The following TMEM63B variants were observed in gnomAD, a reference collection of about 807,000 sequenced individuals.
TMEM63B encodes the protein transmembrane protein 63B.
A neutral mutation model predicts 102.6 loss-of-function variants in TMEM63B; 23 were observed. That is an observed-to-expected ratio of 0.22 (90% confidence interval 0.16 to 0.32). The LOEUF is 0.32. Among genes scored for constraint, TMEM63B ranks in the 10% least tolerant of loss-of-function variants. The pLI is 1.00. For synonymous variants in TMEM63B, 444 were observed against 437.0 expected (o/e 1.02, Z -0.20); for missense variants, 628 against 1,095.9 (o/e 0.57, Z 6.03).
intron 15 of TMEM63B, among the ~76,000 whole-genome samples, 171 bp from the exon 16 acceptor site, chr6:44,149,688 A>G (rs984782459): frequency 5.9e-5 from 9 of 152,198 alleles, no homozygotes; most frequent in Admixed American, 3.9e-4. Flanking sequence ...GGGGTTATAC[A>G]TATGGCCCTG....
intron 1 of TMEM63B, among the ~76,000 whole-genome samples, chr6:44,132,699 C>T (rs1216998391): frequency 6.8e-6 from 1 of 148,088 alleles, no homozygotes; most frequent in Non-Finnish European, 1.5e-5. Context: ...CCTTCATTTC[C>T]GTGGACTGCC....
At chr6:44,146,809 G>A in intron 10 of TMEM63B, 38 bp from the exon 11 acceptor site, 1 of 1,600,534 alleles carries the variant, frequency 6.2e-7, no homozygotes, top group South Asian at 1.1e-5. Context: ...CAGGTGGGTG[G>A]GGTCCCTGCA....
At chr6:44,142,217 A>G (rs1344775706) in intron 10 of TMEM63B, among the ~76,000 whole-genome samples, 7 of 150,614 alleles carry the variant, frequency 4.6e-5, no homozygotes, top group African/African-American at 1.7e-4. Context: ...GAATTACTTG[A>G]GGCCAGGAGT....
At chr6:44,144,403 A>G (rs556110165) in intron 10 of TMEM63B, among the ~76,000 whole-genome samples, 11 of 152,228 alleles carry the variant, frequency 7.2e-5, no homozygotes, top group African/African-American at 2.6e-4. Flanking sequence ...TCACCCTTCC[A>G]AAGGGGAAAC....
rs79582609 is a variant in TMEM63B at position 44,152,556 on chromosome 6, C to T, written c.1837-37C>T. 76,012 of 1,538,858 alleles carry T rather than the reference C, an allele frequency of 0.049. 4,146 individuals are homozygous for T. The highest frequency in any genetic ancestry group is 0.26 in the East Asian group (11,556 of 44,384). ...TCCCTGCCCCTCTGGTCAGTCCCTG[C>T]CTCCCTGAGCCATCCTCCTGCCCGT... On this transcript the variant is annotated intron_variant, in intron 19 of 23. Transcript: ENST00000323267. The surrounding 1 kb of genome is among the most constrained non-coding windows in gnomAD (Gnocchi z 6.4).
At chr6:44,134,445 T>A in intron 1 of TMEM63B, 116 bp from the exon 2 acceptor site, 1 of 1,091,976 alleles carries the variant, frequency 9.2e-7, no homozygotes, top group Non-Finnish European at 1.3e-6. Context: ...GGCCAGAGCT[T>A]CCATCCACCC....
At position 44,148,092 on chromosome 6, in the gene TMEM63B, C is replaced by T. The variant is rs546370068; in HGVS notation, c.988-160C>T. ...GAGCTGAGATTCCACCACTACACTC[C>T]AGCCTGGGCATCAGAGCGAGACGCT... On this transcript the variant is annotated intron_variant, in intron 12 of 23. Transcript: ENST00000323267. This position sits in a 1 kb window ranked among gnomAD's most constrained non-coding sequence, Gnocchi z 5.1. Among the ~76,000 whole-genome samples, 28 of 152,118 alleles carry T rather than the reference C, an allele frequency of 1.8e-4. No individual in the cohort carries two copies. The highest frequency in any genetic ancestry group is 6.0e-4 in the African/African-American group (25 of 41,502).
rs1766850522 is a variant in TMEM63B at position 44,152,261 on chromosome 6, T to A, written c.1836+253T>A. Among the ~76,000 whole-genome samples, 1 of 152,056 alleles carries A rather than the reference T, an allele frequency of 6.6e-6. No individual in the cohort carries two copies. Among genetic ancestry groups the A allele is most frequent in the Admixed American group, 6.5e-5 (1 of 15,270 alleles). ...TTCTATGATGGGAGTTGGGGAGATC[T>A]GGGTCCCTAGCGCTAGGGTCCCTCT... On this transcript the variant is annotated intron_variant, in intron 19 of 23. Transcript: ENST00000323267. The surrounding 1 kb of genome is among the most constrained non-coding windows in gnomAD (Gnocchi z 6.4).
intron 1 of TMEM63B, among the ~76,000 whole-genome samples, chr6:44,134,158 C>T (rs528684293): frequency 6.6e-6 from 1 of 152,296 alleles, no homozygotes; most frequent in South Asian, 2.1e-4. Context: ...ACCCTTGAGT[C>T]CTCAGGCCTA....
Position 44,136,297 on chromosome 6 carries a change from C to CG in TMEM63B, c.279-47dup, listed in dbSNP as rs1562117998. The CG allele has an allele frequency of 3.3e-6, 5 of 1,524,504 alleles. No homozygotes were observed. In the East Asian group the frequency reaches 1.1e-4, roughly 34 times the overall value. The allele number at this position is 1,524,504 out of a possible 1,614,324, so 94.4% of individuals were successfully genotyped here. Reference sequence around the variant, plus strand: ...CTCTGGAGCACTCAGCCCAGCTTCCCGGGGGCTCAGACTCACCAGGCTCTC... The same window carrying CG: ...CTCTGGAGCACTCAGCCCAGCTTCCCGGGGGGCTCAGACTCACCAGGCTCTC... On this transcript the variant is annotated intron_variant, in intron 4 of 23. Coordinates refer to ENST00000323267, the MANE Select transcript of TMEM63B (RefSeq NM_018426.3).
chr6:44,153,556 C>T (rs1767282435), intron 20 of TMEM63B, 120 bp from the exon 21 acceptor site: 2 of 1,195,044 alleles, frequency 1.7e-6, no homozygotes, highest in Non-Finnish European at 2.3e-6. Flanking sequence ...CGTCCTGGGG[C>T]CCGGGCAGGA....
rs747884737 is a variant in TMEM63B, at chr6:44,136,429, A to G, written c.359A>G (p.Gln120Arg). ...TSVSSSVDFD[Q>R]RDNGFCSWLT... ...GTCTCCAGCTCCGTTGACTTTGACC[A>G]AAGGGACAATGTGAGTGCCCTCCCC... Residue 120 changes from glutamine (Q) to arginine (R), a missense_variant, in exon 5 of 24, where the codon CAA becomes CGA. By Grantham distance (43) the Gln-to-Arg change is conservative. Transcript: ENST00000323267. 1.1e-5 allele frequency: 17 copies of G among 1,613,684 alleles called. 2 individuals are homozygous for G. The highest frequency in any genetic ancestry group is 8.3e-5 in the Admixed American group (5 of 60,000).
intron 1 of TMEM63B, among the ~76,000 whole-genome samples, chr6:44,131,870 A>G (rs1778354139): frequency 1.3e-5 from 2 of 152,158 alleles, no homozygotes; most frequent in African/African-American, 4.8e-5. Flanking sequence ...CAAAACCTCA[A>G]TATCAGACTA....
At chr6:44,146,826 G>T in intron 10 of TMEM63B, 21 bp from the exon 11 acceptor site, 1 of 1,613,434 alleles carries the variant, frequency 6.2e-7, no homozygotes. Flanking sequence ...TGCACAAGAT[G>T]ATACATGAAC....
rs1214599654 is a variant in TMEM63B, at chr6:44,152,565, G to GCCATCCTCCTGCCCGTCTCCCC, written c.1837-25_1837-4dup. On this transcript the variant is annotated intron_variant, in intron 19 of 23. Coordinates refer to ENST00000323267, the MANE Select transcript of TMEM63B (RefSeq NM_018426.3). This position sits in a 1 kb window ranked among gnomAD's most constrained non-coding sequence, Gnocchi z 6.4. ...CTCTGGTCAGTCCCTGCCTCCCTGAGCCATCCTCCTGCCCGTCTCCCCCCC... is the reference window on the plus strand; with the variant it reads ...CTCTGGTCAGTCCCTGCCTCCCTGAGCCATCCTCCTGCCCGTCTCCCCCCATCCTCCTGCCCGTCTCCCCCCC... 6.3e-7 allele frequency: 1 copy of GCCATCCTCCTGCCCGTCTCCCC among 1,577,460 alleles called. No homozygotes were observed. The highest frequency in any genetic ancestry group is 2.2e-5 in the East Asian group (1 of 44,670).
At position 44,139,513 on chromosome 6, in the gene TMEM63B, C is replaced by T. The variant is rs1479577703; in HGVS notation, c.454C>T (p.Leu152=). The change falls in exon 7 of 24, where the codon CTG becomes TTG. Residue 152 remains leucine, a synonymous_variant. Transcript: ENST00000323267. ...DKCGGDAVHY[L]SFQRHIIGLL... is the part of the protein sequence containing the mutation. ...ATGTGGGGGCGATGCCGTGCACTAC[C>T]TGTCCTTTCAGCGGCACATCATCGG... The T allele has an allele frequency of 1.2e-6, 2 of 1,614,218 alleles. No individual in the cohort carries two copies. The highest frequency in any genetic ancestry group is 1.1e-5 in the South Asian group (1 of 91,088).
Position 44,138,503 on chromosome 6 carries a change from C to A in TMEM63B, c.393C>A (p.Ala131=). The change falls in exon 6 of 24, where the codon GCC becomes GCA. Residue 131 remains alanine, a synonymous_variant. Coordinates refer to ENST00000323267, the MANE Select transcript of TMEM63B (RefSeq NM_018426.3). ...AGGGTTTCTGTTCCTGGCTGACAGC[C>A]ATCTTCAGGATAAAGTAAGTGGACC... ...RDNGFCSWLT[A]IFRIKDDEIR... 1.2e-6 allele frequency: 2 copies of A among 1,614,070 alleles called. No individual in the cohort carries two copies. Among genetic ancestry groups the A allele is most frequent in the Admixed American group, 3.3e-5 (2 of 60,012 alleles).
chr6:44,147,348 G>A (rs949123175), intron 11 of TMEM63B, 29 bp from the exon 12 acceptor site: 3 of 1,614,096 alleles, frequency 1.9e-6, no homozygotes, highest in African/African-American at 1.3e-5. Context: ...AGCCCCAGAT[G>A]TAGGTGACCA....
intron 1 of TMEM63B, 173 bp from the exon 2 acceptor site, chr6:44,134,387 TA>T: frequency 1.6e-6 from 1 of 624,464 alleles, no homozygotes; most frequent in Non-Finnish European, 2.7e-6. Context: ...CCAGTGAAGG[TA>T]AATCCATGTG....
Sources: gnomAD v4.1 joint callset for allele counts (sites outside exome capture counted in the v4.1 genomes callset) on GRCh38, gnomAD v4.1.1 for gene constraint, Gnocchi (gnomAD v3.1) non-coding constraint, MANE v1.5 for transcripts, NCBI Gene and HGNC (gene_info 2026-07-23, HGNC 2026-07-21) for gene names.